MMP16: variants seen among roughly 807,000 people sequenced by gnomAD.
The protein encoded by MMP16 is matrix metalloproteinase-16.
MMP16 carries 12 observed loss-of-function variants against 67.8 expected under a neutral mutation model. That is an observed-to-expected ratio of 0.18 (90% confidence interval 0.11 to 0.29). MMP16 has a LOEUF of 0.29. MMP16 is among the 10% of genes least tolerant of loss of function. The pLI, the probability that MMP16 is intolerant of heterozygous loss-of-function variation, is 1.00. For missense variants in MMP16, 475 were observed against 765.7 expected (o/e 0.62, Z 4.48); for synonymous variants, 249 against 255.9 (o/e 0.97, Z 0.26).
intron 4 of MMP16, among the ~76,000 whole-genome samples, chr8:88,158,841 T>C (rs1808561859): frequency 1.3e-5 from 2 of 152,220 alleles, no homozygotes; most frequent in South Asian, 4.1e-4. Context: ...TTAATTTTTG[T>C]ATAAGGTGTA....
intron 4 of MMP16, among the ~76,000 whole-genome samples, chr8:88,140,843 C>A (rs916934803): frequency 2.6e-5 from 4 of 151,910 alleles, no homozygotes; most frequent in South Asian, 4.1e-4. Context: ...TCAGACTCTG[C>A]GCTTAAAGAA....
At chr8:88,256,371 G>C (rs911786956) in intron 1 of MMP16, among the ~76,000 whole-genome samples, 1 of 151,976 alleles carries the variant, frequency 6.6e-6, no homozygotes, top group Non-Finnish European at 1.5e-5. Flanking sequence ...AAACTGAATG[G>C]TCAAATCGAC....
chr8:88,098,610 A>G (rs1248860478), intron 6 of MMP16, among the ~76,000 whole-genome samples: 2 of 152,010 alleles, frequency 1.3e-5, no homozygotes, highest in African/African-American at 4.8e-5. Context: ...AAATATTACT[A>G]CTACAGATTA....
At chr8:88,314,520 C>G (rs552777950) in intron 1 of MMP16, among the ~76,000 whole-genome samples, 2 of 152,274 alleles carry the variant, frequency 1.3e-5, no homozygotes, top group Non-Finnish European at 2.9e-5. Flanking sequence ...AGTCACAGAA[C>G]AGTGTGATTC....
At chr8:88,226,205 G>C (rs558498076) in intron 1 of MMP16, among the ~76,000 whole-genome samples, 1 of 151,842 alleles carries the variant, frequency 6.6e-6, no homozygotes, top group South Asian at 2.1e-4. Context: ...TTTTTCAGGT[G>C]AAAGTGAGAA....
chr8:88,061,690 A>T (rs982823318), intron 7 of MMP16, among the ~76,000 whole-genome samples: 1 of 152,102 alleles, frequency 6.6e-6, no homozygotes, highest in Non-Finnish European at 1.5e-5. Context: ...TGTGTGAAAA[A>T]AGAAAAGGAA....
intron 6 of MMP16, among the ~76,000 whole-genome samples, chr8:88,106,504 T>G (rs1339190507): frequency 6.6e-6 from 1 of 151,200 alleles, no homozygotes; most frequent in East Asian, 2.0e-4. Flanking sequence ...TGAGAGTAAA[T>G]CTTCAAAAAA....
At chr8:88,302,031 C>T (rs1428250088) in intron 1 of MMP16, among the ~76,000 whole-genome samples, 3 of 152,178 alleles carry the variant, frequency 2.0e-5, no homozygotes, top group Non-Finnish European at 4.4e-5. Context: ...CACTCCAGCT[C>T]ACTTGCTCAG....
At chr8:88,059,589 A>C (rs1175627260) in intron 7 of MMP16, among the ~76,000 whole-genome samples, 1 of 152,090 alleles carries the variant, frequency 6.6e-6, no homozygotes, top group East Asian at 1.9e-4. Context: ...GGATCATTAC[A>C]TTCAGCTGAT....
intron 1 of MMP16, among the ~76,000 whole-genome samples, chr8:88,233,038 AACTT>A (rs927638126): frequency 6.6e-6 from 1 of 152,156 alleles, no homozygotes; most frequent in Non-Finnish European, 1.5e-5. Context: ...GACTTTGAGC[AACTT>A]ACTTAGTGTC....
chr8:88,053,073 T>G (rs544945456), intron 8 of MMP16, among the ~76,000 whole-genome samples: 1 of 152,308 alleles, frequency 6.6e-6, no homozygotes, highest in Admixed American at 6.5e-5. Flanking sequence ...TCAAAATGCA[T>G]TTTTGAATGA....
At chr8:88,062,485 G>T (rs1057422745) in intron 7 of MMP16, among the ~76,000 whole-genome samples, 2 of 152,014 alleles carry the variant, frequency 1.3e-5, no homozygotes, top group Non-Finnish European at 2.9e-5. Flanking sequence ...CCATAAAAAA[G>T]GATGAGTTCA....
intron 3 of MMP16, among the ~76,000 whole-genome samples, chr8:88,176,560 TC>T (rs1586190201): frequency 1.3e-5 from 2 of 152,334 alleles, no homozygotes; most frequent in East Asian, 3.9e-4. Flanking sequence ...ACATTTTAGT[TC>T]CATTACTACT....
At chr8:88,303,924 C>T (rs943644884) in intron 1 of MMP16, among the ~76,000 whole-genome samples, 16 of 152,084 alleles carry the variant, frequency 1.1e-4, no homozygotes, top group African/African-American at 2.9e-4. Flanking sequence ...CCAGCAAAGG[C>T]GCAGAACTGG....
chr8:88,098,999 TA>T (rs1809084183), intron 6 of MMP16, among the ~76,000 whole-genome samples: 2 of 151,914 alleles, frequency 1.3e-5, no homozygotes, highest in African/African-American at 4.8e-5. Context: ...TATATTATGA[TA>T]AAACCATTTT....
intron 1 of MMP16, among the ~76,000 whole-genome samples, chr8:88,261,772 TAC>T (rs1475874060): frequency 1.3e-5 from 2 of 149,656 alleles, no homozygotes; most frequent in Non-Finnish European, 3.0e-5. Context: ...TATGTACATG[TAC>T]ACACACACAC....
At position 88,041,839 on chromosome 8, in the gene MMP16, G is replaced by C. The variant is rs1204035644; in HGVS notation, c.1490-44C>G. 1 of 1,416,574 alleles carries C rather than the reference G, an allele frequency of 7.1e-7. No homozygotes were observed. The highest frequency in any genetic ancestry group is 1.8e-5 in the Admixed American group (1 of 55,972). The allele number at this position is 1,416,574 out of a possible 1,614,324, so 87.8% of individuals were successfully genotyped here. ...ACACACACAGGTACCACTTATTTGT[G>C]ACAGTGTATATGTAGAGAAATGTTA... On this transcript the variant is annotated intron_variant, in intron 9 of 9. Coordinates refer to ENST00000286614, the MANE Select transcript of MMP16 (RefSeq NM_005941.5). This position sits in a 1 kb window ranked among gnomAD's most constrained non-coding sequence, Gnocchi z 6.0.
intron 6 of MMP16, among the ~76,000 whole-genome samples, chr8:88,089,243 T>C (rs906129027): frequency 3.3e-5 from 5 of 152,022 alleles, no homozygotes; most frequent in African/African-American, 9.7e-5. Flanking sequence ...TGGGCTTTCA[T>C]AGAAAAACTT....
chr8:88,098,072 A>G (rs1809060087), intron 6 of MMP16, among the ~76,000 whole-genome samples: 1 of 151,914 alleles, frequency 6.6e-6, no homozygotes, highest in Non-Finnish European at 1.5e-5. Flanking sequence ...TGAAATTCAG[A>G]CTTGATAATT....
Sources: allele counts gnomAD v4.1 joint callset (sites outside exome capture counted in the v4.1 genomes callset), GRCh38; gene constraint gnomAD v4.1.1; non-coding constraint Gnocchi (gnomAD v3.1); transcripts MANE v1.5; gene names NCBI Gene and HGNC (gene_info 2026-07-23, HGNC 2026-07-21).